The following SLC35F1 variants were observed in gnomAD, a reference collection of about 807,000 sequenced individuals.
SLC35F1 encodes the protein solute carrier family 35 member F1.
In SLC35F1, 14 loss-of-function variants were observed where a neutral mutation model predicts 48.7. The observed-to-expected ratio is 0.29, with a 90% CI of 0.19 to 0.45. The LOEUF is 0.45. SLC35F1 is among the 20% of genes least tolerant of loss of function. SLC35F1 has a pLI of 1.00. For missense variants in SLC35F1, 404 were observed against 500.0 expected (o/e 0.81, Z 1.83); for synonymous variants, 190 against 202.2 (o/e 0.94, Z 0.51).
At chr6:118,291,899 C>T (rs1776128346) in intron 7 of SLC35F1, among the ~76,000 whole-genome samples, 1 of 152,112 alleles carries the variant, frequency 6.6e-6, no homozygotes, top group South Asian at 2.1e-4. Flanking sequence ...AGGTGGATCA[C>T]CTAAGGTCAG....
intron 1 of SLC35F1, among the ~76,000 whole-genome samples, chr6:118,117,490 G>T (rs1420658747): frequency 6.6e-6 from 1 of 152,082 alleles, no homozygotes; most frequent in East Asian, 1.9e-4. Context: ...TATCAGAGTT[G>T]ATTTTTCTTG....
At chr6:118,157,509 G>A (rs548560556) in intron 2 of SLC35F1, among the ~76,000 whole-genome samples, 39 of 152,294 alleles carry the variant, frequency 2.6e-4, no homozygotes, top group Admixed American at 1.8e-3. Flanking sequence ...CCGTCTGCAA[G>A]CTGAGGAGCA....
At chr6:118,177,960 C>A (rs59228100) in intron 2 of SLC35F1, among the ~76,000 whole-genome samples, 5,335 of 152,114 alleles carry the variant, frequency 0.035, 301 homozygotes, top group African/African-American at 0.12. Context: ...TTCTGTGCTA[C>A]CTGCCGTGGT....
At chr6:117,999,003 A>G in intron 1 of SLC35F1, 1 of 1,334,972 alleles carries the variant, frequency 7.5e-7, no homozygotes, top group East Asian at 2.3e-5. Context: ...CACACCACAC[A>G]CAACCAGTCC....
chr6:117,973,472 G>A (rs1021589799), intron 1 of SLC35F1, among the ~76,000 whole-genome samples: 5 of 152,108 alleles, frequency 3.3e-5, no homozygotes, highest in African/African-American at 1.2e-4. Flanking sequence ...TTTCCTGAGA[G>A]CTGGTTTGAT....
At chr6:118,241,144 G>A (rs1213153012) in intron 3 of SLC35F1, among the ~76,000 whole-genome samples, 1 of 152,196 alleles carries the variant, frequency 6.6e-6, no homozygotes, top group Non-Finnish European at 1.5e-5. Flanking sequence ...ACTTAATGTT[G>A]TAGGTAAAAG....
intron 1 of SLC35F1, among the ~76,000 whole-genome samples, chr6:118,150,839 T>C (rs1180492448): frequency 6.6e-6 from 1 of 152,210 alleles, no homozygotes; most frequent in Non-Finnish European, 1.5e-5. Context: ...CTTCCATGAA[T>C]TTTTTGAATT....
chr6:118,176,484 A>G (rs890708081), intron 2 of SLC35F1, among the ~76,000 whole-genome samples: 3 of 152,224 alleles, frequency 2.0e-5, no homozygotes, highest in Middle Eastern at 3.4e-3. Flanking sequence ...CATGAGCCAT[A>G]GTGCTGGGCC....
intron 1 of SLC35F1, among the ~76,000 whole-genome samples, chr6:118,095,327 C>T (rs1283348076): frequency 1.3e-5 from 2 of 152,170 alleles, no homozygotes; most frequent in African/African-American, 2.4e-5. Context: ...GACCGTGGCA[C>T]TCCAACAAGG....
intron 1 of SLC35F1, among the ~76,000 whole-genome samples, chr6:118,032,348 T>G (rs1772066557): frequency 6.6e-6 from 1 of 152,186 alleles, no homozygotes; most frequent in Admixed American, 6.5e-5. Flanking sequence ...TTGTCAATTT[T>G]TATTAATTTA....
chr6:118,157,652 T>C (rs745460351), intron 2 of SLC35F1, among the ~76,000 whole-genome samples: 1 of 152,064 alleles, frequency 6.6e-6, no homozygotes, highest in Admixed American at 6.5e-5. Flanking sequence ...CTGAAGAACT[T>C]GAAGTCCGAT....
intron 1 of SLC35F1, among the ~76,000 whole-genome samples, chr6:118,114,379 A>G (rs1273912034): frequency 6.6e-6 from 1 of 152,074 alleles, no homozygotes; most frequent in African/African-American, 2.4e-5. Flanking sequence ...TATATTTGGC[A>G]TTGACTGTAC....
intron 1 of SLC35F1, among the ~76,000 whole-genome samples, chr6:118,097,381 C>T (rs79201539): frequency 0.016 from 2,509 of 152,278 alleles, 40 homozygotes; most frequent in Non-Finnish European, 0.024. Flanking sequence ...GAGAGTTTGC[C>T]CCTTCCTTTT....
At chr6:118,274,527 A>T (rs1775895871) in intron 4 of SLC35F1, among the ~76,000 whole-genome samples, 2 of 152,000 alleles carry the variant, frequency 1.3e-5, no homozygotes. Context: ...CCTCCCAAGT[A>T]GCTGGGATTA....
intron 1 of SLC35F1, among the ~76,000 whole-genome samples, chr6:118,120,607 T>G (rs1480550315): frequency 6.6e-6 from 1 of 152,186 alleles, no homozygotes; most frequent in East Asian, 1.9e-4. Flanking sequence ...ACATATAATT[T>G]CCACCTTTTC....
intron 1 of SLC35F1, among the ~76,000 whole-genome samples, chr6:118,090,874 G>T (rs1334312497): frequency 6.6e-6 from 1 of 152,198 alleles, no homozygotes; most frequent in Non-Finnish European, 1.5e-5. Flanking sequence ...TCACCACGAT[G>T]TTATTGAAGT....
intron 1 of SLC35F1, among the ~76,000 whole-genome samples, chr6:118,013,807 A>G (rs144590413): frequency 6.2e-4 from 94 of 152,284 alleles, no homozygotes; most frequent in African/African-American, 2.2e-3. Context: ...CCATCCAACT[A>G]TTTGTGGATC....
chr6:118,059,437 A>G (rs1422209953), intron 1 of SLC35F1, among the ~76,000 whole-genome samples: 1 of 152,198 alleles, frequency 6.6e-6, no homozygotes, highest in Non-Finnish European at 1.5e-5. Context: ...TTTTAAGTAG[A>G]TGGGATCTTA....
At chr6:117,997,114 C>G (rs1279793919) in intron 1 of SLC35F1, among the ~76,000 whole-genome samples, 2 of 151,984 alleles carry the variant, frequency 1.3e-5, no homozygotes, top group Non-Finnish European at 1.5e-5. Flanking sequence ...GGCTCGAGAA[C>G]TACGTGAAGA....
Sources: gnomAD v4.1 joint callset for allele counts (sites outside exome capture counted in the v4.1 genomes callset) on GRCh38, gnomAD v4.1.1 for gene constraint, MANE v1.5 for transcripts, NCBI Gene and HGNC (gene_info 2026-07-23, HGNC 2026-07-21) for gene names.